Variants in IQGAP1 observed in about 807,000 individuals in gnomAD.
IQGAP1 encodes IQ motif containing GTPase activating protein 1, also known as ras GTPase-activating-like protein IQGAP1.
IQGAP1 carries 66 observed loss-of-function variants against 215.6 expected under a neutral mutation model. The observed-to-expected ratio is 0.31, with a 90% CI of 0.25 to 0.38. The LOEUF is 0.38. Among genes scored for constraint, IQGAP1 ranks in the 10% least tolerant of loss-of-function variants. The pLI, the probability that IQGAP1 is intolerant of heterozygous loss-of-function variation, is 1.00. For missense variants in IQGAP1, 1,712 were observed against 1,997.1 expected (o/e 0.86, Z 2.72); for synonymous variants, 772 against 728.7 (o/e 1.06, Z -0.96).
At chr15:90,461,028 T>C (rs1276061526) in intron 15 of IQGAP1, among the ~76,000 whole-genome samples, 78 of 130,502 alleles carry the variant, frequency 6.0e-4, no homozygotes, top group African/African-American at 2.2e-3. Context: ...AAAAAAGGGC[T>C]GGGCGCAGTG....
At chr15:90,487,153 G>A (rs1305402106) in intron 32 of IQGAP1, 64 bp downstream of exon 32, 5 of 1,542,168 alleles carry the variant, frequency 3.2e-6, no homozygotes, top group African/African-American at 1.4e-5. Context: ...CCTTTGGAGA[G>A]GAACCTGCTG....
intron 2 of IQGAP1, among the ~76,000 whole-genome samples, chr15:90,410,845 A>T (rs1964952990): frequency 3.3e-5 from 1 of 30,406 alleles, no homozygotes; most frequent in South Asian, 1.4e-3. Context: ...AAGTATAATA[A>T]AAAAAAAAAA....
intron 30 of IQGAP1, among the ~76,000 whole-genome samples, chr15:90,485,275 T>C (rs1484160142): frequency 1.3e-5 from 2 of 152,236 alleles, no homozygotes; most frequent in African/African-American, 2.4e-5. Flanking sequence ...ACAATAATTA[T>C]AACATTGATT....
intron 2 of IQGAP1, among the ~76,000 whole-genome samples, chr15:90,410,351 A>G (rs1050323190): frequency 1.3e-5 from 2 of 152,192 alleles, no homozygotes; most frequent in Non-Finnish European, 2.9e-5. Flanking sequence ...TACCCAAAGG[A>G]TTATAAATCA....
intron 8 of IQGAP1, 97 bp from the exon 9 acceptor site, chr15:90,443,297 C>T: frequency 2.8e-6 from 2 of 717,108 alleles, no homozygotes; most frequent in Non-Finnish European, 5.0e-6. Flanking sequence ...CACCCATATT[C>T]TTGGTAGTGT....
At chr15:90,390,227 G>A (rs1336744184) in intron 1 of IQGAP1, among the ~76,000 whole-genome samples, 1 of 152,186 alleles carries the variant, frequency 6.6e-6, no homozygotes, top group East Asian at 1.9e-4. Context: ...TTAAGCTCAG[G>A]CTTTGGAGAC....
At position 90,396,528 on chromosome 15, in the gene IQGAP1, C is replaced by T. The variant is rs78418201; in HGVS notation, c.155+5655C>T. Among the ~76,000 whole-genome samples, 477 of 152,138 alleles carry T rather than the reference C, an allele frequency of 3.1e-3. 4 individuals carry two copies. The highest frequency in any genetic ancestry group is 0.011 in the African/African-American group (438 of 41,490). ...CATAGCATGTAGCTGCGTAATGGCA[C>T]GGTGGCACTAGGAGCTGATCCATTC... is the stretch of plus-strand genomic sequence containing the variant. On this transcript the variant is annotated intron_variant, in intron 2 of 37. Coordinates refer to ENST00000268182, the MANE Select transcript of IQGAP1 (RefSeq NM_003870.4).
intron 2 of IQGAP1, among the ~76,000 whole-genome samples, chr15:90,392,219 A>G (rs1222378314): frequency 1.3e-5 from 2 of 152,158 alleles, no homozygotes; most frequent in African/African-American, 4.8e-5. Flanking sequence ...TAAAACTTCC[A>G]GGAAACTGGA....
At chr15:90,414,939 G>T (rs533473100) in intron 2 of IQGAP1, among the ~76,000 whole-genome samples, 1 of 152,106 alleles carries the variant, frequency 6.6e-6, no homozygotes, top group South Asian at 2.1e-4. Context: ...CATCCATGCC[G>T]CAAGTCACCA....
At chr15:90,436,248 T>C (rs1184943724) in intron 5 of IQGAP1, among the ~76,000 whole-genome samples, 2 of 152,170 alleles carry the variant, frequency 1.3e-5, no homozygotes, top group Admixed American at 6.5e-5. Context: ...AGTATGATTA[T>C]GTTTGTGTGT....
intron 15 of IQGAP1, among the ~76,000 whole-genome samples, chr15:90,459,233 T>C (rs1965728767): frequency 6.6e-6 from 1 of 152,134 alleles, no homozygotes; most frequent in Non-Finnish European, 1.5e-5. Flanking sequence ...TAATCAACAA[T>C]TATTTGAGGG....
At chr15:90,395,146 C>T (rs1178999082) in intron 2 of IQGAP1, among the ~76,000 whole-genome samples, 1 of 152,072 alleles carries the variant, frequency 6.6e-6, no homozygotes, top group Non-Finnish European at 1.5e-5. Context: ...GAAATTAAGC[C>T]GCTGTTCTAA....
At chr15:90,397,500 A>G (rs1245643724) in intron 2 of IQGAP1, among the ~76,000 whole-genome samples, 1 of 146,252 alleles carries the variant, frequency 6.8e-6, no homozygotes, top group Admixed American at 6.9e-5. Context: ...TACAGTAGGC[A>G]CTCAACAAAC....
Position 90,473,904 on chromosome 15 carries a change from C to G in IQGAP1, c.2442C>G (p.Ser814=), listed in dbSNP as rs754652245. ...SHKDEVVKIQ[S]LARMHQARKR... ...GGATCCCTTTTCCACAGATTCAGTC[C>G]CTGGCAAGGATGCACCAAGCTCGAA... Residue 814 remains serine, a synonymous_variant, in exon 21 of 38, where the codon TCC becomes TCG. Coordinates refer to ENST00000268182, the MANE Select transcript of IQGAP1 (RefSeq NM_003870.4). 2 of 1,613,786 alleles carry G rather than the reference C, an allele frequency of 1.2e-6. No individual in the cohort carries two copies. The highest frequency in any genetic ancestry group is 1.7e-6 in the Non-Finnish European group (2 of 1,179,944).
At chr15:90,398,587 C>T (rs960455919) in intron 2 of IQGAP1, among the ~76,000 whole-genome samples, 1 of 152,158 alleles carries the variant, frequency 6.6e-6, no homozygotes. Context: ...AGTCAAAATG[C>T]ATTTAATACA....
At chr15:90,443,718 G>GT (rs1361808412) in intron 9 of IQGAP1, among the ~76,000 whole-genome samples, 2 of 152,146 alleles carry the variant, frequency 1.3e-5, no homozygotes, top group East Asian at 3.8e-4. Flanking sequence ...TTTGGCTACA[G>GT]TTTCACTCTT....
intron 13 of IQGAP1, 101 bp from the exon 14 acceptor site, chr15:90,454,327 T>G (rs1965648655): frequency 5.6e-6 from 8 of 1,429,814 alleles, no homozygotes; most frequent in Non-Finnish European, 5.8e-6. Flanking sequence ...AAACTGGTCT[T>G]GAGAATATAT....
intron 2 of IQGAP1, among the ~76,000 whole-genome samples, chr15:90,397,419 T>C (rs190249938): frequency 4.5e-4 from 69 of 151,818 alleles, no homozygotes; most frequent in Admixed American, 1.3e-3. Flanking sequence ...CCCAAATTTG[T>C]CCTTTGCAGA....
chr15:90,484,555 C>G (rs545895221), intron 30 of IQGAP1, among the ~76,000 whole-genome samples: 10 of 152,170 alleles, frequency 6.6e-5, no homozygotes, highest in African/African-American at 2.4e-4. Context: ...GTTGCCCAGG[C>G]TGGAGTGCAG....
Sources: allele counts gnomAD v4.1 joint callset (sites outside exome capture counted in the v4.1 genomes callset), GRCh38; gene constraint gnomAD v4.1.1; transcripts MANE v1.5; gene names NCBI Gene and HGNC (gene_info 2026-07-23, HGNC 2026-07-21).